The following RSU1 variants were observed in gnomAD, a reference collection of about 807,000 sequenced individuals.
RSU1 encodes rsu-1.
RSU1 carries 26 observed loss-of-function variants against 31.1 expected under a neutral mutation model. The observed-to-expected ratio is 0.84, with a 90% CI of 0.61 to 1.16. The LOEUF is 1.16. RSU1 is among the 50% of genes most tolerant of loss of function. The pLI, the probability that RSU1 is intolerant of heterozygous loss-of-function variation, is 0.00. For missense variants in RSU1, 320 were observed against 339.1 expected (o/e 0.94, Z 0.44); for synonymous variants, 164 against 136.3 (o/e 1.20, Z -1.41).
chr10:16,809,003 C>T (rs1221578620), intron 2 of RSU1, among the ~76,000 whole-genome samples: 1 of 152,208 alleles, frequency 6.6e-6, no homozygotes, highest in South Asian at 2.1e-4. Flanking sequence ...CTTGAACTTC[C>T]AGCCTCCAGG....
intron 7 of RSU1, among the ~76,000 whole-genome samples, chr10:16,698,714 C>T (rs549179273): frequency 9.2e-5 from 14 of 152,274 alleles, no homozygotes; most frequent in South Asian, 2.1e-4. Context: ...ACACAGGAGA[C>T]GCTGGATGCA....
intron 8 of RSU1, among the ~76,000 whole-genome samples, chr10:16,661,581 G>C (rs1025136193): frequency 3.3e-5 from 5 of 152,172 alleles, no homozygotes; most frequent in African/African-American, 4.8e-5. Flanking sequence ...AGATGACTAT[G>C]ATGACTACTA....
At chr10:16,631,505 G>A (rs1322191203) in intron 8 of RSU1, among the ~76,000 whole-genome samples, 1 of 152,170 alleles carries the variant, frequency 6.6e-6, no homozygotes, top group Non-Finnish European at 1.5e-5. Flanking sequence ...ACAATTGGAG[G>A]AGGATCCCTG....
At chr10:16,755,070 C>T (rs1385473516) in intron 4 of RSU1, 81 bp from the exon 5 acceptor site, 15 of 777,394 alleles carry the variant, frequency 1.9e-5, no homozygotes, top group Admixed American at 2.2e-5. Context: ...CTGTTTCAGA[C>T]GCTGAAAGTG....
intron 2 of RSU1, among the ~76,000 whole-genome samples, chr10:16,783,102 GT>G (rs1479954100): frequency 6.6e-6 from 1 of 151,806 alleles, no homozygotes; most frequent in Non-Finnish European, 1.5e-5. Context: ...TAGAGATGTG[GT>G]TCTCGTTATT....
At chr10:16,640,494 T>C (rs1834422318) in intron 8 of RSU1, among the ~76,000 whole-genome samples, 2 of 152,178 alleles carry the variant, frequency 1.3e-5, no homozygotes, top group Non-Finnish European at 2.9e-5. Flanking sequence ...CCCTTTCACA[T>C]TTGCTACTAG....
intron 2 of RSU1, among the ~76,000 whole-genome samples, chr10:16,796,451 T>A (rs749074898): frequency 2.1e-4 from 32 of 152,112 alleles, no homozygotes; most frequent in Non-Finnish European, 3.5e-4. Flanking sequence ...AAATCTGCCA[T>A]CAATGACACC....
chr10:16,599,144 A>G (rs1386621162), intron 8 of RSU1, among the ~76,000 whole-genome samples: 1 of 152,214 alleles, frequency 6.6e-6, no homozygotes, highest in Non-Finnish European at 1.5e-5. Context: ...GTGACTGACT[A>G]CAGAGGACAG....
intron 8 of RSU1, among the ~76,000 whole-genome samples, chr10:16,670,146 C>A (rs945125418): frequency 1.3e-5 from 2 of 152,178 alleles, no homozygotes; most frequent in Non-Finnish European, 2.9e-5. Flanking sequence ...GAATTGTTTA[C>A]TTCCCATTGC....
At chr10:16,784,851 A>T (rs902576684) in intron 2 of RSU1, among the ~76,000 whole-genome samples, 1 of 152,296 alleles carries the variant, frequency 6.6e-6, no homozygotes, top group Admixed American at 6.5e-5. Flanking sequence ...GAATTATGGG[A>T]GCTATAATTC....
intron 8 of RSU1, among the ~76,000 whole-genome samples, chr10:16,597,462 T>G (rs1164852561): frequency 6.6e-6 from 1 of 152,202 alleles, no homozygotes; most frequent in East Asian, 1.9e-4. Flanking sequence ...TTTTGACGTT[T>G]ATTAGCTGAT....
intron 7 of RSU1, among the ~76,000 whole-genome samples, chr10:16,730,689 A>G (rs1190743695): frequency 2.6e-5 from 4 of 152,258 alleles, no homozygotes; most frequent in Non-Finnish European, 4.4e-5. Context: ...CACTGGAGAA[A>G]TTATAAAAAA....
intron 7 of RSU1, chr10:16,727,261 T>C: frequency 2.6e-6 from 1 of 391,108 alleles, no homozygotes; most frequent in Non-Finnish European, 5.3e-6. Context: ...ACAGAGGAGA[T>C]AACTTGATTG....
At chr10:16,703,185 T>C (rs1391502284) in intron 7 of RSU1, among the ~76,000 whole-genome samples, 1 of 152,198 alleles carries the variant, frequency 6.6e-6, no homozygotes. Context: ...TCATGCTTCC[T>C]ATACGCCATG....
At chr10:16,692,048 G>A (rs570954456) in intron 8 of RSU1, among the ~76,000 whole-genome samples, 42 of 152,054 alleles carry the variant, frequency 2.8e-4, no homozygotes, top group Non-Finnish European at 5.1e-4. Context: ...GTGAGCCACC[G>A]CACCCAGCCT....
At chr10:16,716,308 G>A (rs921781540) in intron 7 of RSU1, among the ~76,000 whole-genome samples, 1 of 152,166 alleles carries the variant, frequency 6.6e-6, no homozygotes, top group African/African-American at 2.4e-5. Context: ...GGGAGGCTTG[G>A]AGCTCTTGGA....
chr10:16,672,614 GT>G (rs34030604), intron 8 of RSU1, among the ~76,000 whole-genome samples: 3 of 151,370 alleles, frequency 2.0e-5, no homozygotes, highest in Admixed American at 6.6e-5. Flanking sequence ...GGAGCCAGTT[GT>G]TTTTTTTTAA....
intron 7 of RSU1, among the ~76,000 whole-genome samples, chr10:16,708,742 C>T (rs907623582): frequency 6.6e-6 from 1 of 151,740 alleles, no homozygotes; most frequent in Non-Finnish European, 1.5e-5. Context: ...TATTTGTGTC[C>T]TCTTCAATTT....
At chr10:16,789,809 T>G (rs989533659) in intron 2 of RSU1, among the ~76,000 whole-genome samples, 1 of 152,228 alleles carries the variant, frequency 6.6e-6, no homozygotes, top group African/African-American at 2.4e-5. Flanking sequence ...GAGAACAAAC[T>G]GTTATTAAAA....
Sources: gnomAD v4.1 joint callset for allele counts (sites outside exome capture counted in the v4.1 genomes callset) on GRCh38, gnomAD v4.1.1 for gene constraint, MANE v1.5 for transcripts, NCBI Gene and HGNC (gene_info 2026-07-23, HGNC 2026-07-21) for gene names.